Variants in CCDC22 observed in about 807,000 individuals in gnomAD.
CCDC22 encodes CCC complex scaffolding subunit CCDC22.
CCDC22 carries 4 observed loss-of-function variants against 53.1 expected under a neutral mutation model. That is an observed-to-expected ratio of 0.08 (90% CI 0.04 to 0.17). CCDC22 has a LOEUF of 0.17. Ranked by LOEUF, CCDC22 falls within the 10% of genes least tolerant of loss-of-function variation. The pLI is 1.00. For missense variants in CCDC22, 458 were observed against 554.0 expected (o/e 0.83, Z 1.74); for synonymous variants, 222 against 224.4 (o/e 0.99, Z 0.10).
chrX:49,242,342 G>T, intron 3 of CCDC22, 194 bp downstream of exon 3: 1 of 750,241 alleles, frequency 1.3e-6, no homozygotes, highest in African/African-American at 2.3e-5. Flanking sequence ...GGCTGAGGTT[G>T]AGCTGACCCC....
chrX:49,246,776 G>A lies in CCDC22; in HGVS notation c.760G>A (p.Glu254Lys), dbSNP rs1327296567. The A allele has an allele frequency of 8.5e-7, 1 of 1,183,134 alleles. No individual in the cohort carries two copies. Among genetic ancestry groups the A allele is most frequent in the African/African-American group, 1.8e-5 (1 of 56,947 alleles). ...QRQRLQKQLT[E>K]HLRQSWGLLG... ...GCAGCGGCTGCAAAAGCAACTGACT[G>A]AGCATCTGCGCCAAAGCTGGGGCCT... The change falls in exon 7 of 17, where the codon GAG becomes AAG. Residue 254 changes from glutamate (E) to lysine (K), a missense_variant. This residue lies in a region of CCDC22 where 309 missense variants were observed against 312.3 expected (regional missense o/e 0.99). Transcript: ENST00000376227.
In CCDC22 at chrX:49,248,646, G is replaced by A. The variant is rs782344227; in HGVS notation, c.1343G>A (p.Arg448Gln). Reference protein sequence around the residue: ...LQDCRELESSRRLAEIQELHQ... With the variant: ...LQDCRELESSQRLAEIQELHQ... ...GGCTCATGGCAGCTGGAATCTTCTC[G>A]ACGGCTGGCAGAGATCCAAGAACTG... The change falls in exon 12 of 17, where the codon CGA becomes CAA. Residue 448 changes from arginine (R) to glutamine (Q), a missense_variant. By Grantham distance (43) the Arg-to-Gln change is conservative. Around this residue, in one of 4 missense-constraint regions of CCDC22, gnomAD observed 309 missense variants for 312.3 expected, o/e 0.99. Transcript: ENST00000376227. 5 of 1,207,797 alleles carry A rather than the reference G, an allele frequency of 4.1e-6. No homozygotes were observed. Among genetic ancestry groups the A allele is most frequent in the East Asian group, 5.9e-5 (2 of 33,691 alleles).
At position 49,242,883 on chromosome X, in the gene CCDC22, T is replaced by C; in HGVS notation, c.362-3T>C. On this transcript the variant is annotated splice_polypyrimidine_tract_variant and splice_region_variant and intron_variant, in intron 3 of 16. Transcript: ENST00000376227. ...TGATTCACTTCCTCCCTATCCCCCA[T>C]AGGTGACTCAGCTATTCTCCTCCGG... 9.0e-7 allele frequency: 1 copy of C among 1,114,345 alleles called. No individual in the cohort carries two copies. The highest frequency in any genetic ancestry group is 1.2e-6 in the Non-Finnish European group (1 of 837,784). The allele number at this position is 1,114,345 out of a possible 1,213,427, so 91.8% of individuals were successfully genotyped here. A position where few individuals can be genotyped will look rare whatever the true frequency, so the allele number is the denominator to read the frequency against.
At chrX:49,247,949 G>T (rs1475700602) in intron 9 of CCDC22, among the ~76,000 whole-genome samples, 181 bp downstream of exon 9, 3 of 111,209 alleles carry the variant, frequency 2.7e-5, no homozygotes, top group Non-Finnish European at 5.7e-5. Flanking sequence ...CCAGGGTGAG[G>T]GTCTGTGGGC....
At chrX:49,244,523 G>A (rs1290782420) in intron 6 of CCDC22, among the ~76,000 whole-genome samples, 1 of 108,321 alleles carries the variant, frequency 9.2e-6, no homozygotes, top group African/African-American at 3.4e-5. Flanking sequence ...CTCTGTATTT[G>A]TCCCTCCTCC....
chrX:49,235,748 C>T, intron 1 of CCDC22, 62 bp downstream of exon 1: 1 of 1,037,065 alleles, frequency 9.6e-7, no homozygotes, highest in Non-Finnish European at 1.3e-6. Flanking sequence ...GCCCAGGACC[C>T]CGTTTCCCGG....
intron 7 of CCDC22, chrX:49,247,134 A>C: frequency 2.2e-6 from 1 of 445,093 alleles, no homozygotes; most frequent in Non-Finnish European, 3.9e-6. Context: ...GAACCATGCA[A>C]AGGTGTGGGG....
Position 49,250,367 on chromosome X carries a change from C to G in CCDC22, c.*106C>G. On this transcript the variant is annotated 3_prime_UTR_variant, in exon 17 of 17. Coordinates refer to ENST00000376227, the MANE Select transcript of CCDC22 (RefSeq NM_014008.5). ...CTACTTCCTCCGCTGTCCAGTTCCT[C>G]CTGCTGCGGCCTTGGACCCAGACCC... The G allele has an allele frequency of 3.8e-6, 2 of 533,159 alleles. No individual in the cohort carries two copies. Among genetic ancestry groups the G allele is most frequent in the Non-Finnish European group, 6.7e-6 (2 of 297,859 alleles). 43.9% of individuals were successfully genotyped at this position (533,159 alleles called of 1,213,427 possible).
At chrX:49,238,353 A>G (rs1467016497) in intron 2 of CCDC22, among the ~76,000 whole-genome samples, 3 of 111,332 alleles carry the variant, frequency 2.7e-5, no homozygotes, top group African/African-American at 9.8e-5. Context: ...TGCTGAGATT[A>G]CAGGCGTGAG....
At chrX:49,247,793 C>T (rs782679029) in intron 9 of CCDC22, 25 bp downstream of exon 9, 9 of 1,209,072 alleles carry the variant, frequency 7.4e-6, no homozygotes, top group South Asian at 1.8e-5. Flanking sequence ...AGGGGCTGCG[C>T]GTTGGGCTAG....
At position 49,249,637 on chromosome X, in the gene CCDC22, C is replaced by T. The variant is rs2066014223; in HGVS notation, c.1696-14C>T. On this transcript the variant is annotated splice_polypyrimidine_tract_variant and intron_variant, in intron 15 of 16. Coordinates refer to ENST00000376227, the MANE Select transcript of CCDC22 (RefSeq NM_014008.5). ...TGGGACTGGGTGCAAGCCTTCTGCT[C>T]CTGTTGTCCCCAGAACTGCAGCCAG... 9 of 1,207,770 alleles carry T rather than the reference C, an allele frequency of 7.5e-6. No individual in the cohort carries two copies. The Admixed American group carries it at 1.3e-4, about 18-fold the overall frequency.
intron 1 of CCDC22, 74 bp from the exon 2 acceptor site, chrX:49,237,012 C>A (rs2065941031): frequency 9.8e-7 from 1 of 1,025,576 alleles, no homozygotes; most frequent in Non-Finnish European, 1.3e-6. Context: ...ACTAGTGTTT[C>A]CAAAAGGCTG....
At chrX:49,240,468 C>T (rs1299169968) in intron 2 of CCDC22, among the ~76,000 whole-genome samples, 13 of 110,886 alleles carry the variant, frequency 1.2e-4, no homozygotes, top group East Asian at 2.8e-4. Context: ...GCAGGAGAAT[C>T]GCTTGAACCC....
chrX:49,247,561 G>A lies in CCDC22; in HGVS notation c.972+3G>A. 1 of 1,196,805 alleles carries A rather than the reference G, an allele frequency of 8.4e-7. No homozygotes were observed. The highest frequency in any genetic ancestry group is 1.7e-5 in the African/African-American group (1 of 57,571). On this transcript the variant is annotated splice_donor_region_variant and intron_variant, in intron 8 of 16. Coordinates refer to ENST00000376227, the MANE Select transcript of CCDC22 (RefSeq NM_014008.5). ...CCACCTCCCGGCGGCCTGAACAGGT[G>A]AGCAGAGTGGTTTGGAGGGGGGTGT...
At chrX:49,244,843 C>T (rs2065981439) in intron 6 of CCDC22, among the ~76,000 whole-genome samples, 1 of 111,543 alleles carries the variant, frequency 9.0e-6, no homozygotes, top group Non-Finnish European at 1.9e-5. Context: ...GCATGAGCCA[C>T]CATGCCGAGC....
At chrX:49,243,030 C>T (rs1484908750) in intron 4 of CCDC22, 38 bp downstream of exon 4, 4 of 1,130,872 alleles carry the variant, frequency 3.5e-6, no homozygotes, top group Non-Finnish European at 4.7e-6. Flanking sequence ...CTCTTGTCCC[C>T]GTCTGGGTGC....
intron 6 of CCDC22, among the ~76,000 whole-genome samples, chrX:49,246,344 G>T (rs191698987): frequency 8.9e-6 from 1 of 112,150 alleles, no homozygotes; most frequent in African/African-American, 3.2e-5. Context: ...AAACTCTGTT[G>T]TCCCTCTCTT....
intron 10 of CCDC22, 36 bp downstream of exon 10, chrX:49,248,346 G>A: frequency 8.6e-7 from 1 of 1,162,406 alleles, no homozygotes; most frequent in Non-Finnish European, 1.2e-6. Flanking sequence ...GAGAGGGGCA[G>A]GGTGGGGTGG....
intron 2 of CCDC22, chrX:49,239,300 A>G: frequency 9.2e-6 from 2 of 218,167 alleles, no homozygotes; most frequent in Non-Finnish European, 1.3e-5. Context: ...TTTGAGGCTA[A>G]GTTTCCACAT....
Sources: gnomAD v4.1 joint callset for allele counts (sites outside exome capture counted in the v4.1 genomes callset) on GRCh38, gnomAD v4.1.1 for gene constraint, gnomAD v4.1.1 regional missense constraint, MANE v1.5 for transcripts, NCBI Gene and HGNC (gene_info 2026-07-23, HGNC 2026-07-21) for gene names.